The following DLG1 variants were observed in gnomAD, a reference collection of about 807,000 sequenced individuals.
DLG1 encodes discs large MAGUK scaffold protein 1, also known as disks large homolog 1.
DLG1 carries 42 observed loss-of-function variants against 123.4 expected under a neutral mutation model. The observed-to-expected ratio is 0.34, with a 90% CI of 0.27 to 0.44. DLG1 has a LOEUF of 0.44. DLG1 is among the 20% of genes least tolerant of loss of function. The pLI is 1.00. For missense variants in DLG1, 942 were observed against 1,082.6 expected, an observed-to-expected ratio of 0.87 and a Z score of 1.82; for synonymous variants, 317 against 356.2, an observed-to-expected ratio of 0.89 and a Z score of 1.24.
At chr3:197,291,317 A>G (rs1774801367) in intron 3 of DLG1, among the ~76,000 whole-genome samples, 1 of 151,574 alleles carries the variant, frequency 6.6e-6, no homozygotes, top group Non-Finnish European at 1.5e-5. Flanking sequence ...ACACACACAC[A>G]CACACACACA....
chr3:197,145,724 T>C (rs932462893), intron 6 of DLG1, among the ~76,000 whole-genome samples: 3 of 152,186 alleles, frequency 2.0e-5, no homozygotes, highest in African/African-American at 7.2e-5. Context: ...TGGTGCTTAA[T>C]TTAATGCCAA....
chr3:197,142,771 A>G lies in DLG1; in HGVS notation c.538-3T>C. 1.2e-6 allele frequency: 2 copies of G among 1,603,498 alleles called. No individual in the cohort carries two copies. Among genetic ancestry groups the G allele is most frequent in the South Asian group, 2.3e-5 (2 of 87,336 alleles). ...TAATCTGCATCTGTGCCATTAACCT[A>G]CAGGGGAAAAGAAAAGCAGCTCAGA... On this transcript the variant is annotated splice_polypyrimidine_tract_variant and splice_region_variant and intron_variant, in intron 6 of 24. Coordinates refer to ENST00000667157, the MANE Select transcript of DLG1 (RefSeq NM_001366207.1).
intron 4 of DLG1, among the ~76,000 whole-genome samples, chr3:197,261,857 T>C (rs1271756373): frequency 1.3e-5 from 2 of 152,186 alleles, no homozygotes; most frequent in African/African-American, 4.8e-5. Context: ...CTTTATCTAA[T>C]GGGGCTGTTG....
rs565153183 is a variant in DLG1 at position 197,163,553 on chromosome 3, C to T, written c.484-13757G>A. 1.2e-4 allele frequency among the ~76,000 whole-genome samples: 18 copies of T among 149,930 alleles called. No homozygotes were observed. In the East Asian group the frequency reaches 3.1e-3, roughly 26 times the overall value. On this transcript the variant is annotated intron_variant, in intron 5 of 24. Transcript: ENST00000667157. The stretch of plus-strand genomic sequence containing the variant: ...TTTTTTTTTTTTTGAGATGGAGTCT[C>T]GCTCTGTTGCCCAGGCTGGAGTGCA...
At chr3:197,216,141 T>C (rs1734006122) in intron 4 of DLG1, among the ~76,000 whole-genome samples, 1 of 152,218 alleles carries the variant, frequency 6.6e-6, no homozygotes, top group Non-Finnish European at 1.5e-5. Flanking sequence ...AGATATTTCA[T>C]ATAACAAAGA....
At chr3:197,164,413 A>G (rs73086534) in intron 5 of DLG1, among the ~76,000 whole-genome samples, 2,424 of 152,112 alleles carry the variant, frequency 0.016, 67 homozygotes, top group African/African-American at 0.054. Flanking sequence ...CTCAAAAAAA[A>G]GTCTAAACTC....
chr3:197,265,779 C>T (rs887514577), intron 4 of DLG1, among the ~76,000 whole-genome samples: 1 of 152,150 alleles, frequency 6.6e-6, no homozygotes, highest in Non-Finnish European at 1.5e-5. Flanking sequence ...CAGCCAGGCG[C>T]GGTGGCTCAC....
rs1738774931 is a variant in DLG1, at chr3:197,065,290, C to T, written c.2359G>A (p.Glu787Lys). ...CTGATGCTTACCTTTTCTGCTACTT[C>T]TCGTACAGACTGAACACTTGTTCCA... ...LYGTSVQSVR[E>K]VAEKGKHCIL... Residue 787 changes from glutamate (E) to lysine (K), a missense_variant, in exon 22 of 25, where the codon GAA becomes AAA. Transcript: ENST00000667157. 1.2e-6 allele frequency: 2 copies of T among 1,604,398 alleles called. No individual in the cohort carries two copies. Among genetic ancestry groups the T allele is most frequent in the African/African-American group, 2.7e-5 (2 of 74,300 alleles).
At chr3:197,097,402 C>G (rs1184578077) in intron 14 of DLG1, among the ~76,000 whole-genome samples, 1 of 152,080 alleles carries the variant, frequency 6.6e-6, no homozygotes, top group Non-Finnish European at 1.5e-5. Flanking sequence ...GGTCTTGTAG[C>G]TGTTAATACC....
chr3:197,217,868 T>C lies in DLG1; in HGVS notation c.319-23279A>G, dbSNP rs887440693. 5.9e-5 allele frequency among the ~76,000 whole-genome samples: 9 copies of C among 152,256 alleles called. No individual in the cohort carries two copies. In the South Asian group the frequency reaches 1.4e-3, roughly 25 times the overall value. On this transcript the variant is annotated intron_variant, in intron 4 of 24. Coordinates refer to ENST00000667157, the MANE Select transcript of DLG1 (RefSeq NM_001366207.1). ...ACATTTACCATCTTGATTATAGTGA[T>C]GGTTTCACAGGTGTACACAGATGTC...
Position 197,297,170 on chromosome 3 carries a change from C to T in DLG1, c.19+16G>A, listed in dbSNP as rs200209226. ...GCAAGTGACATCGACAACAGAGTTA[C>T]GGAATAAACTCTCACCTTGCTTCCG... On this transcript the variant is annotated intron_variant, in intron 2 of 24. Coordinates refer to ENST00000667157, the MANE Select transcript of DLG1 (RefSeq NM_001366207.1). The T allele has an allele frequency of 1.9e-6, 3 of 1,613,736 alleles. No homozygotes were observed. Among genetic ancestry groups the T allele is most frequent in the African/African-American group, 1.3e-5 (1 of 74,886 alleles).
chr3:197,075,230 G>C (rs1164559468), intron 18 of DLG1, among the ~76,000 whole-genome samples: 1 of 140,616 alleles, frequency 7.1e-6, no homozygotes, highest in East Asian at 2.1e-4. Context: ...AAGAACAGCA[G>C]CAACAAAAAC....
chr3:197,119,601 TTAA>T, intron 11 of DLG1, 71 bp from the exon 12 acceptor site: 4 of 1,390,032 alleles, frequency 2.9e-6, no homozygotes, highest in Non-Finnish European at 2.9e-6. Flanking sequence ...TTATGAGTGA[TTAA>T]TGTGTAATTT....
chr3:197,059,782 T>C (rs1734504962), intron 23 of DLG1, 107 bp downstream of exon 23: 2 of 703,670 alleles, frequency 2.8e-6, no homozygotes, highest in South Asian at 1.9e-5. Context: ...AACATACTAC[T>C]ATTATCTCAA....
At chr3:197,281,223 G>A (rs1195057221) in intron 4 of DLG1, among the ~76,000 whole-genome samples, 1 of 152,114 alleles carries the variant, frequency 6.6e-6, no homozygotes, top group Non-Finnish European at 1.5e-5. Flanking sequence ...TTTTAGACGT[G>A]AGACGTGGTT....
chr3:197,192,624 G>C (rs532330123), intron 5 of DLG1, among the ~76,000 whole-genome samples: 27 of 152,062 alleles, frequency 1.8e-4, no homozygotes, highest in Admixed American at 1.1e-3. Context: ...TACTTATACT[G>C]AACACTATCT....
At chr3:197,091,130 G>T in intron 14 of DLG1, 104 bp from the exon 15 acceptor site, 1 of 698,178 alleles carries the variant, frequency 1.4e-6, no homozygotes, top group Non-Finnish European at 2.3e-6. Context: ...ATTAAATGTG[G>T]TTAGAACCTT....
At chr3:197,102,370 A>G (rs1361956463) in intron 14 of DLG1, among the ~76,000 whole-genome samples, 1 of 152,218 alleles carries the variant, frequency 6.6e-6, no homozygotes, top group Non-Finnish European at 1.5e-5. Context: ...TATATATAAG[A>G]TTATCAACAA....
intron 4 of DLG1, among the ~76,000 whole-genome samples, chr3:197,272,165 T>C (rs559226686): frequency 4.1e-4 from 63 of 152,294 alleles, no homozygotes; most frequent in Middle Eastern, 3.4e-3. Flanking sequence ...GCCAAATTGA[T>C]TGTAGTATTC....
Sources: gnomAD v4.1 joint callset for allele counts (sites outside exome capture counted in the v4.1 genomes callset) on GRCh38, gnomAD v4.1.1 for gene constraint, MANE v1.5 for transcripts, NCBI Gene and HGNC (gene_info 2026-07-23, HGNC 2026-07-21) for gene names.